The following KATNIP variants were observed in gnomAD, a reference collection of about 807,000 sequenced individuals.
KATNIP encodes katanin-interacting protein.
In KATNIP, 126 loss-of-function variants were observed where a neutral mutation model predicts 174.0. That is an observed-to-expected ratio of 0.72 (90% CI 0.63 to 0.84). The LOEUF (loss-of-function observed/expected upper bound fraction) is 0.84, where lower values mean the gene tolerates loss of function less well. Ranked by LOEUF, KATNIP falls within the 40% of genes least tolerant of loss-of-function variation. The pLI, the probability that KATNIP is intolerant of heterozygous loss-of-function variation, is 0.00. For synonymous variants in KATNIP, 810 were observed against 835.7 expected (o/e 0.97, Z 0.53); for missense variants, 1,958 against 2,109.7 (o/e 0.93, Z 1.41).
intron 22 of KATNIP, 122 bp downstream of exon 22, chr16:27,771,774 A>G (rs983310808): frequency 9.9e-7 from 1 of 1,012,486 alleles, no homozygotes; most frequent in Non-Finnish European, 1.5e-6. Context: ...ATGCAAGGAA[A>G]CCAAGGCAGA....
Position 27,628,838 on chromosome 16 carries a change from C to G in KATNIP, c.310+8C>G. The G allele has an allele frequency of 1.9e-6, 3 of 1,613,592 alleles. No individual in the cohort carries two copies. Among genetic ancestry groups the G allele is most frequent in the Non-Finnish European group, 1.7e-6 (2 of 1,179,728 alleles). ...ACACGGAGGGGACACACGGTGAGCACAGGCCCTCCAGGCTGAGTCTCAGCT... is the reference window on the plus strand; with the variant it reads ...ACACGGAGGGGACACACGGTGAGCAGAGGCCCTCCAGGCTGAGTCTCAGCT... On this transcript the variant is annotated splice_region_variant and intron_variant, in intron 4 of 27. Coordinates refer to ENST00000261588, the MANE Select transcript of KATNIP (RefSeq NM_015202.5).
chr16:27,561,599 G>A (rs376900915), intron 1 of KATNIP, among the ~76,000 whole-genome samples: 2 of 152,162 alleles, frequency 1.3e-5, no homozygotes, highest in Non-Finnish European at 2.9e-5. Flanking sequence ...TAAACGTAGC[G>A]CCTGGCAGGA....
intron 2 of KATNIP, among the ~76,000 whole-genome samples, chr16:27,614,139 G>A (rs889830661): frequency 2.4e-4 from 37 of 151,364 alleles, no homozygotes; most frequent in African/African-American, 8.5e-4. Flanking sequence ...GTGCAGTGGT[G>A]CTATCTCAGC....
chr16:27,640,952 G>A (rs1487542890), intron 5 of KATNIP, among the ~76,000 whole-genome samples: 2 of 151,958 alleles, frequency 1.3e-5, no homozygotes, highest in African/African-American at 2.4e-5. Flanking sequence ...CCTGGCTAAC[G>A]TGCTGAAACC....
intron 19 of KATNIP, among the ~76,000 whole-genome samples, chr16:27,762,777 A>G (rs1292917150): frequency 1.3e-5 from 2 of 152,024 alleles, no homozygotes; most frequent in Admixed American, 6.5e-5. Context: ...ACCACCCCCA[A>G]CATCCTGGCA....
chr16:27,664,668 TC>T, intron 6 of KATNIP, among the ~76,000 whole-genome samples: 1 of 152,364 alleles, frequency 6.6e-6, no homozygotes, highest in South Asian at 2.1e-4. Flanking sequence ...TTGTCAGTTT[TC>T]CCCTGCATTT....
intron 2 of KATNIP, among the ~76,000 whole-genome samples, chr16:27,586,657 C>T (rs1020503550): frequency 6.6e-6 from 1 of 151,696 alleles, no homozygotes; most frequent in East Asian, 1.9e-4. Flanking sequence ...GGCAAAACCC[C>T]GTATCTACTA....
Position 27,776,837 on chromosome 16 carries a change from G to A in KATNIP, c.4450-91G>A, listed in dbSNP as rs145979502. 476 of 893,164 alleles carry A rather than the reference G, an allele frequency of 5.3e-4. No individual in the cohort carries two copies. Among genetic ancestry groups the A allele is most frequent in the Non-Finnish European group, 8.3e-4 (449 of 542,094 alleles). 55.3% of individuals were successfully genotyped at this position (893,164 alleles called of 1,614,324 possible). A position where few individuals can be genotyped will look rare whatever the true frequency, so the allele number is the denominator to read the frequency against. ...GGCAGGCGCTGCCTTGGGCACCACC[G>A]CTCACCCCAGCCCACGCCTGGCACC... On this transcript the variant is annotated intron_variant, in intron 24 of 27. Coordinates refer to ENST00000261588, the MANE Select transcript of KATNIP (RefSeq NM_015202.5). This position sits in a 1 kb window ranked among gnomAD's most constrained non-coding sequence, Gnocchi z 4.7.
At chr16:27,742,271 G>T in intron 15 of KATNIP, among the ~76,000 whole-genome samples, 1 of 152,160 alleles carries the variant, frequency 6.6e-6, no homozygotes, top group South Asian at 2.1e-4. Context: ...CTCTAGCCAG[G>T]CACACAACTC....
In KATNIP at chr16:27,761,335, A is replaced by G. The variant is rs1331360653; in HGVS notation, c.3632-78A>G. On this transcript the variant is annotated intron_variant, in intron 18 of 27. Coordinates refer to ENST00000261588, the MANE Select transcript of KATNIP (RefSeq NM_015202.5). ...TGCTAGAATATAGAGGCCGAATAGC[A>G]TTCCTCTTCCTGTCTTCATTTTAGA... The G allele has an allele frequency of 2.1e-6, 3 of 1,417,360 alleles. No homozygotes were observed. The East Asian group carries it at 6.9e-5, about 33-fold the overall frequency. 87.8% of individuals were successfully genotyped at this position (1,417,360 alleles called of 1,614,324 possible). A position where few individuals can be genotyped will look rare whatever the true frequency, so the allele number is the denominator to read the frequency against.
intron 2 of KATNIP, among the ~76,000 whole-genome samples, chr16:27,614,970 G>A (rs1358556161): frequency 6.6e-6 from 1 of 152,090 alleles, no homozygotes; most frequent in African/African-American, 2.4e-5. Flanking sequence ...AAGATGGGAG[G>A]GAGAAAAACC....
At chr16:27,622,143 G>T (rs2076214659) in intron 3 of KATNIP, among the ~76,000 whole-genome samples, 1 of 152,096 alleles carries the variant, frequency 6.6e-6, no homozygotes, top group Non-Finnish European at 1.5e-5. Flanking sequence ...GATCTGAGGG[G>T]CTCTGTTTGG....
At chr16:27,576,738 A>C (rs542045500) in intron 2 of KATNIP, among the ~76,000 whole-genome samples, 1 of 152,154 alleles carries the variant, frequency 6.6e-6, no homozygotes, top group South Asian at 2.1e-4. Flanking sequence ...TCTGCATCCT[A>C]TGCCCTCTCT....
At chr16:27,627,416 T>C (rs2076366485) in intron 3 of KATNIP, among the ~76,000 whole-genome samples, 1 of 152,222 alleles carries the variant, frequency 6.6e-6, no homozygotes, top group Admixed American at 6.5e-5. Context: ...GCATGAGTGA[T>C]AGTGCTTTTG....
intron 17 of KATNIP, 59 bp downstream of exon 17, chr16:27,751,983 C>CAGGGA: frequency 7.4e-7 from 1 of 1,354,192 alleles, no homozygotes; most frequent in Non-Finnish European, 1.0e-6. Flanking sequence ...TCCCCTAACT[C>CAGGGA]AGAGTAGAGC....
intron 5 of KATNIP, among the ~76,000 whole-genome samples, chr16:27,644,990 G>A (rs1158018879): frequency 1.3e-5 from 2 of 152,208 alleles, no homozygotes; most frequent in African/African-American, 2.4e-5. Flanking sequence ...CTGAGAGTGA[G>A]ACTCCCTTAA....
intron 7 of KATNIP, chr16:27,679,117 C>T (rs958257559): frequency 6.6e-6 from 1 of 152,240 alleles, no homozygotes; most frequent in Non-Finnish European, 1.5e-5. Context: ...TGGAATCAGA[C>T]AGTGTGTCAG....
intron 18 of KATNIP, among the ~76,000 whole-genome samples, chr16:27,756,897 C>T (rs556163910): frequency 2.2e-4 from 34 of 152,306 alleles, no homozygotes; most frequent in African/African-American, 7.7e-4. Context: ...GACATTCTCC[C>T]ATTCAACACC....
rs201394940 is a variant in KATNIP at position 27,698,457 on chromosome 16, C to A, written c.1070C>A (p.Ala357Glu). 3.1e-6 allele frequency: 5 copies of A among 1,612,416 alleles called. No homozygotes were observed. The South Asian group carries it at 4.4e-5, about 14-fold the overall frequency. Reference protein sequence around the residue: ...IQVENAALQRALLSRKAEQPA... With the variant: ...IQVENAALQRELLSRKAEQPA... ...GTGGAGAACGCAGCCCTGCAGAGGG[C>A]GCTCCTCAGCAGAAAGGCCGAGCAG... Residue 357 changes from alanine to glutamate, a missense_variant, in exon 9 of 28, where the codon GCG (alanine) becomes GAG (glutamate). By Grantham distance (107) the Ala-to-Glu change is moderately radical (BLOSUM62 -1). Around this residue, in one of 3 missense-constraint regions of KATNIP, gnomAD observed 1,557 missense variants for 1,617.8 expected, o/e 0.96. Transcript: ENST00000261588.
Sources: gnomAD v4.1 joint callset for allele counts (sites outside exome capture counted in the v4.1 genomes callset) on GRCh38, gnomAD v4.1.1 for gene constraint, gnomAD v4.1.1 regional missense constraint, Gnocchi (gnomAD v3.1) non-coding constraint, MANE v1.5 for transcripts, NCBI Gene and HGNC (gene_info 2026-07-23, HGNC 2026-07-21) for gene names.